The following KDM4A variants were observed in gnomAD, a reference collection of about 807,000 sequenced individuals.
KDM4A encodes lysine-specific demethylase 4A.
KDM4A carries 23 observed loss-of-function variants against 127.1 expected under a neutral mutation model. The ratio of observed to expected loss-of-function variants is 0.18; its 90% CI spans 0.13 to 0.26. KDM4A has a LOEUF of 0.26. KDM4A is among the 10% of genes least tolerant of loss of function. The pLI, the probability that KDM4A is intolerant of heterozygous loss-of-function variation, is 1.00. For missense variants in KDM4A, 890 were observed against 1,329.1 expected (o/e 0.67, Z 5.14); for synonymous variants, 443 against 466.5 (o/e 0.95, Z 0.65).
intron 12 of KDM4A, among the ~76,000 whole-genome samples, chr1:43,686,247 C>T (rs1223862572): frequency 1.3e-5 from 2 of 148,564 alleles, no homozygotes; most frequent in Non-Finnish European, 3.0e-5. Context: ...CAACCTCTGC[C>T]TCCTGGTCTC....
intron 3 of KDM4A, among the ~76,000 whole-genome samples, chr1:43,656,024 A>C (rs1213352745): frequency 6.6e-6 from 1 of 152,182 alleles, no homozygotes; most frequent in Non-Finnish European, 1.5e-5. Context: ...TTCTGACTCT[A>C]AAGTTGCAAG....
chr1:43,653,268 T>C lies in KDM4A; in HGVS notation c.93T>C (p.Ile31=). 6.2e-7 allele frequency: 1 copy of C among 1,613,644 alleles called. No individual in the cohort carries two copies. The highest frequency in any genetic ancestry group is 8.5e-7 in the Non-Finnish European group (1 of 1,179,768). Residue 31 remains isoleucine, a synonymous_variant, in exon 2 of 22, where the codon ATT becomes ATC. Transcript: ENST00000372396. ...MEEFRNFSRY[I]AYIESQGAHR... is the part of the protein sequence containing the mutation. ...AGTTCCGAAACTTCAGTAGATACATTGCCTACATTGAATCCCAAGGAGCTC... is the reference window on the plus strand; with the variant it reads ...AGTTCCGAAACTTCAGTAGATACATCGCCTACATTGAATCCCAAGGAGCTC...
At chr1:43,656,024 A>G (rs1213352745) in intron 3 of KDM4A, among the ~76,000 whole-genome samples, 1 of 152,182 alleles carries the variant, frequency 6.6e-6, no homozygotes, top group Non-Finnish European at 1.5e-5. Context: ...TTCTGACTCT[A>G]AAGTTGCAAG....
At chr1:43,691,139 C>T (rs942990302) in intron 14 of KDM4A, 90 bp downstream of exon 14, 10 of 1,318,424 alleles carry the variant, frequency 7.6e-6, no homozygotes, top group East Asian at 4.6e-5. Flanking sequence ...CTCCCAGCCC[C>T]AAAAAGATTG....
At chr1:43,657,022 G>A (rs989203228) in intron 3 of KDM4A, among the ~76,000 whole-genome samples, 1 of 152,076 alleles carries the variant, frequency 6.6e-6, no homozygotes, top group Non-Finnish European at 1.5e-5. Context: ...TCCTTGCTCA[G>A]CCTCCCAAGT....
At chr1:43,665,912 T>C (rs1660491472) in intron 6 of KDM4A, among the ~76,000 whole-genome samples, 167 bp downstream of exon 6, 1 of 152,030 alleles carries the variant, frequency 6.6e-6, no homozygotes, top group Non-Finnish European at 1.5e-5. Context: ...GACGGAGCCT[T>C]TTCTTCCTTT....
intron 19 of KDM4A, chr1:43,699,953 TCTC>T (rs1557922478): frequency 6.6e-6 from 1 of 152,024 alleles, no homozygotes; most frequent in Non-Finnish European, 1.5e-5. Flanking sequence ...ATGGTCTTGA[TCTC>T]CTGATCTCGT....
At chr1:43,668,664 A>G (rs577444801) in intron 9 of KDM4A, among the ~76,000 whole-genome samples, 2 of 152,306 alleles carry the variant, frequency 1.3e-5, no homozygotes, top group African/African-American at 4.8e-5. Context: ...GTCTTTTAAA[A>G]AGAAGTGTAG....
At chr1:43,672,552 T>C (rs982687200) in intron 11 of KDM4A, among the ~76,000 whole-genome samples, 4 of 150,304 alleles carry the variant, frequency 2.7e-5, no homozygotes, top group Non-Finnish European at 4.4e-5. Context: ...TGGAGTGCAG[T>C]GGCACGATCT....
intron 11 of KDM4A, among the ~76,000 whole-genome samples, chr1:43,677,654 A>G (rs578534): frequency 0.026 from 3,999 of 152,244 alleles, 187 homozygotes; most frequent in African/African-American, 0.092. Context: ...GGGTTTTTTA[A>G]GTACTGCACT....
intron 5 of KDM4A, among the ~76,000 whole-genome samples, chr1:43,664,055 G>A (rs72883054): frequency 0.041 from 6,236 of 152,214 alleles, 411 homozygotes; most frequent in African/African-American, 0.14. Context: ...ATGCTCATAC[G>A]GTGTGGGGAC....
chr1:43,698,815 G>A (rs948048414), intron 19 of KDM4A, among the ~76,000 whole-genome samples: 1 of 152,154 alleles, frequency 6.6e-6, no homozygotes, highest in Non-Finnish European at 1.5e-5. Flanking sequence ...GTGAGACAGG[G>A]TTTCACTCTG....
At chr1:43,689,279 C>T (rs897295958) in intron 13 of KDM4A, among the ~76,000 whole-genome samples, 184 bp downstream of exon 13, 1 of 152,242 alleles carries the variant, frequency 6.6e-6, no homozygotes, top group African/African-American at 2.4e-5. Flanking sequence ...ACGTGGGTTT[C>T]AATTGAGAAT....
chr1:43,702,371 C>T (rs990992072), intron 19 of KDM4A: 2 of 152,160 alleles, frequency 1.3e-5, no homozygotes, highest in African/African-American at 4.8e-5. Context: ...TAGATTGATA[C>T]AAAATGTATT....
chr1:43,671,898 TG>T (rs1309474712), intron 11 of KDM4A, 23 bp downstream of exon 11: 70 of 1,524,444 alleles, frequency 4.6e-5, no homozygotes, highest in Non-Finnish European at 6.1e-5. Context: ...GGCAGTGGTG[TG>T]GGGTGGGGAG....
Position 43,693,954 on chromosome 1 carries a change from G to C in KDM4A, c.2376-40G>C, listed in dbSNP as rs1661179928. 1 of 1,562,262 alleles carries C rather than the reference G, an allele frequency of 6.4e-7. No homozygotes were observed. Among genetic ancestry groups the C allele is most frequent in the African/African-American group, 1.4e-5 (1 of 73,982 alleles). On this transcript the variant is annotated intron_variant, in intron 16 of 21. Transcript: ENST00000372396. The surrounding 1 kb of genome is among the most constrained non-coding windows in gnomAD (Gnocchi z 4.2). Reference sequence around the variant, plus strand: ...CCAAAAGAGAAGGCCACAGAGCCTTGGGCCCAGAGGTGACTGAGGGAGCCT... The same window carrying C: ...CCAAAAGAGAAGGCCACAGAGCCTTCGGCCCAGAGGTGACTGAGGGAGCCT...
chr1:43,652,278 G>C (rs1660130299), intron 1 of KDM4A, among the ~76,000 whole-genome samples: 1 of 152,036 alleles, frequency 6.6e-6, no homozygotes, highest in Non-Finnish European at 1.5e-5. Flanking sequence ...AAAGGATAAG[G>C]GTAAAATATG....
At chr1:43,691,384 T>G in intron 14 of KDM4A, 112 bp from the exon 15 acceptor site, 1 of 923,438 alleles carries the variant, frequency 1.1e-6, no homozygotes. Context: ...ACTAAGGGGT[T>G]TCTGTGAGAT....
In KDM4A at chr1:43,654,330, C is replaced by G. The variant is rs541960110; in HGVS notation, c.138+1017C>G. ...GTGCCGTCTCCTTAAGTGGTATTAG[C>G]TCCCTCCACACCTTTTTCTCTGCTC... On this transcript the variant is annotated intron_variant, in intron 2 of 21. Coordinates refer to ENST00000372396, the MANE Select transcript of KDM4A (RefSeq NM_014663.3). Among the ~76,000 whole-genome samples the G allele has an allele frequency of 2.6e-5, 4 of 152,348 alleles. No individual in the cohort carries two copies. In the East Asian group the frequency reaches 7.7e-4, roughly 29 times the overall value.
Sources: gnomAD v4.1 joint callset for allele counts (sites outside exome capture counted in the v4.1 genomes callset) on GRCh38, gnomAD v4.1.1 for gene constraint, Gnocchi (gnomAD v3.1) non-coding constraint, MANE v1.5 for transcripts, NCBI Gene and HGNC (gene_info 2026-07-23, HGNC 2026-07-21) for gene names.